The following C8orf34 variants were observed in gnomAD, a reference collection of about 807,000 sequenced individuals.
C8orf34 encodes uncharacterized protein C8orf34.
Under a neutral mutation model 68.3 loss-of-function variants are expected in C8orf34, and 65 were observed. The ratio of observed to expected loss-of-function variants is 0.95; its 90% confidence interval spans 0.78 to 1.17. The LOEUF (loss-of-function observed/expected upper bound fraction) is 1.17. C8orf34 is among the 50% of genes most tolerant of loss of function. The pLI, the probability that C8orf34 is intolerant of heterozygous loss-of-function variation, is 0.00. For missense variants in C8orf34, 664 were observed against 655.4 expected (o/e 1.01, Z -0.14); for synonymous variants, 244 against 241.2 (o/e 1.01, Z -0.11).
chr8:68,684,820 T>A (rs1291433021), intron 8 of C8orf34, among the ~76,000 whole-genome samples: 1 of 152,072 alleles, frequency 6.6e-6, no homozygotes, highest in Non-Finnish European at 1.5e-5. Context: ...TTTCCCTTTT[T>A]GGTTTTATTT....
intron 7 of C8orf34, among the ~76,000 whole-genome samples, chr8:68,558,621 G>C (rs1025309257): frequency 6.6e-6 from 1 of 152,008 alleles, no homozygotes; most frequent in Admixed American, 6.6e-5. Context: ...GAGAGAAAGA[G>C]AGAGAGAGAG....
intron 10 of C8orf34, among the ~76,000 whole-genome samples, chr8:68,730,692 G>T (rs1275812317): frequency 1.3e-5 from 2 of 151,916 alleles, no homozygotes; most frequent in Non-Finnish European, 2.9e-5. Context: ...TAATTTTACT[G>T]TTTCTCCATT....
chr8:68,658,682 T>C (rs1819582241), intron 8 of C8orf34, among the ~76,000 whole-genome samples: 1 of 152,172 alleles, frequency 6.6e-6, no homozygotes, highest in Non-Finnish European at 1.5e-5. Flanking sequence ...CTAAATTGTC[T>C]TTGATAGTTT....
intron 3 of C8orf34, among the ~76,000 whole-genome samples, chr8:68,462,314 G>T (rs908601345): frequency 3.9e-4 from 59 of 151,972 alleles, no homozygotes; most frequent in African/African-American, 1.4e-3. Context: ...ACCTACAAAG[G>T]GACTTAGACT....
chr8:68,680,463 A>G (rs1264067125), intron 8 of C8orf34, among the ~76,000 whole-genome samples: 2 of 152,190 alleles, frequency 1.3e-5, no homozygotes, highest in Admixed American at 6.5e-5. Flanking sequence ...GTGACATCAC[A>G]TATTGGTAAG....
chr8:68,366,459 A>T (rs867481315), intron 1 of C8orf34, among the ~76,000 whole-genome samples: 12 of 143,534 alleles, frequency 8.4e-5, no homozygotes, highest in Middle Eastern at 3.6e-3. Context: ...AAGCCAAAAG[A>T]ACAAAGCTGG....
chr8:68,813,895 G>T (rs1824730496), intron 12 of C8orf34, among the ~76,000 whole-genome samples: 1 of 151,992 alleles, frequency 6.6e-6, no homozygotes, highest in African/African-American at 2.4e-5. Context: ...ATAATTCCTT[G>T]CTTCTCAAAT....
At position 68,791,256 on chromosome 8, in the gene C8orf34, G is replaced by GGA. The variant is rs927693386; in HGVS notation, c.1549+3732_1549+3733dup. ...AGGAGAAGCAAGCACTTTCTTCTAA[G>GGA]GAGAGAGAGAGAGCAGTGAAAGCCA... On this transcript the variant is annotated intron_variant, in intron 12 of 13. Transcript: ENST00000518698. The GGA allele has an allele frequency of 1.8e-4, 53 of 297,058 alleles. No individual in the cohort carries two copies. In the Middle Eastern group the frequency reaches 2.8e-3, roughly 16 times the overall value. 18.4% of individuals were successfully genotyped at this position (297,058 alleles called of 1,614,324 possible). A position where few individuals can be genotyped will look rare whatever the true frequency, so the allele number is the denominator to read the frequency against.
At chr8:68,808,537 A>T (rs942923034) in intron 12 of C8orf34, among the ~76,000 whole-genome samples, 5 of 151,428 alleles carry the variant, frequency 3.3e-5, no homozygotes, top group African/African-American at 1.2e-4. Flanking sequence ...GATTCAACCA[A>T]CCGTAGATCA....
chr8:68,466,410 A>G, intron 3 of C8orf34, among the ~76,000 whole-genome samples: 1 of 152,172 alleles, frequency 6.6e-6, no homozygotes, highest in Middle Eastern at 3.4e-3. Flanking sequence ...TGTTGATATT[A>G]TTATGATTAA....
intron 8 of C8orf34, among the ~76,000 whole-genome samples, chr8:68,692,836 C>T (rs1820723569): frequency 6.6e-6 from 1 of 152,000 alleles, no homozygotes; most frequent in Admixed American, 6.6e-5. Flanking sequence ...AGTGTACAAT[C>T]TTATATTTTG....
intron 1 of C8orf34, among the ~76,000 whole-genome samples, chr8:68,382,380 A>T (rs1377571393): frequency 1.3e-5 from 2 of 152,214 alleles, no homozygotes; most frequent in African/African-American, 4.8e-5. Context: ...CATCTGTGAT[A>T]CAGAAATAAT....
At chr8:68,741,869 T>A (rs1822305241) in intron 10 of C8orf34, among the ~76,000 whole-genome samples, 1 of 152,208 alleles carries the variant, frequency 6.6e-6, no homozygotes, top group African/African-American at 2.4e-5. Context: ...TATCCATTCA[T>A]CTGTTGATTG....
chr8:68,789,306 A>G (rs570949267), intron 12 of C8orf34, among the ~76,000 whole-genome samples: 21 of 152,380 alleles, frequency 1.4e-4, no homozygotes, highest in African/African-American at 4.6e-4. Flanking sequence ...CAACATCCTT[A>G]TAGAATGCAG....
At chr8:68,643,181 T>G (rs1819063665) in intron 8 of C8orf34, among the ~76,000 whole-genome samples, 1 of 152,222 alleles carries the variant, frequency 6.6e-6, no homozygotes, top group Non-Finnish European at 1.5e-5. Flanking sequence ...CTCCCATTGC[T>G]ACTTTGGGTA....
chr8:68,592,641 G>A (rs1397114421), intron 7 of C8orf34, among the ~76,000 whole-genome samples: 8 of 126,638 alleles, frequency 6.3e-5, no homozygotes, highest in East Asian at 2.3e-4. Flanking sequence ...TCGCTCTGTC[G>A]CCCAGGCTGG....
rs145108707 is a variant in C8orf34 at position 68,359,915 on chromosome 8, T to C, written c.327+28576T>C. Among the ~76,000 whole-genome samples, 22 of 152,266 alleles carry C rather than the reference T, an allele frequency of 1.4e-4. No homozygotes were observed. The East Asian group carries it at 4.1e-3, about 28-fold the overall frequency. On this transcript the variant is annotated intron_variant, in intron 1 of 13. Transcript: ENST00000518698. ...CAAGCTGGAATCTACTCTAATATCA[T>C]TGTATCAGCAGCTGCCTTCACAGCA... is the stretch of plus-strand genomic sequence containing the variant.
chr8:68,576,457 C>T (rs1053866797), intron 7 of C8orf34, among the ~76,000 whole-genome samples: 4 of 151,510 alleles, frequency 2.6e-5, no homozygotes, highest in African/African-American at 9.8e-5. Flanking sequence ...GGCAGAGTGC[C>T]CCCTTTGCAG....
chr8:68,763,918 A>G (rs1347842841), intron 10 of C8orf34, among the ~76,000 whole-genome samples: 2 of 152,152 alleles, frequency 1.3e-5, no homozygotes, highest in African/African-American at 4.8e-5. Flanking sequence ...AGTCCATGGG[A>G]CCAAGATGTA....
Sources: allele counts gnomAD v4.1 joint callset (sites outside exome capture counted in the v4.1 genomes callset), GRCh38; gene constraint gnomAD v4.1.1; transcripts MANE v1.5; gene names NCBI Gene and HGNC (gene_info 2026-07-23, HGNC 2026-07-21).